LRMDA: variants seen among roughly 807,000 people sequenced by gnomAD.
LRMDA encodes the protein leucine rich melanocyte differentiation associated, also known as leucine-rich melanocyte differentiation-associated protein.
Under a neutral mutation model 29.8 loss-of-function variants are expected in LRMDA, and 18 were observed. The observed-to-expected ratio is 0.60, with a 90% CI of 0.42 to 0.90. The LOEUF is 0.90. Among genes scored for constraint, LRMDA ranks in the 40% least tolerant of loss-of-function variants. LRMDA has a pLI of 0.00. For missense variants in LRMDA, 273 were observed against 273.9 expected (o/e 1.00, Z 0.02); for synonymous variants, 125 against 109.4 (o/e 1.14, Z -0.89).
At chr10:75,476,788 C>T (rs1844798590) in intron 2 of LRMDA, among the ~76,000 whole-genome samples, 1 of 152,190 alleles carries the variant, frequency 6.6e-6, no homozygotes, top group South Asian at 2.1e-4. Context: ...ATACCACAGA[C>T]TTGGTGGCTT....
chr10:76,527,341 C>T (rs1843187577), intron 6 of LRMDA, among the ~76,000 whole-genome samples: 1 of 152,108 alleles, frequency 6.6e-6, no homozygotes, highest in African/African-American at 2.4e-5. Flanking sequence ...GAAGGTGGGT[C>T]AGAGACTCAC....
intron 2 of LRMDA, among the ~76,000 whole-genome samples, chr10:75,942,732 C>G (rs1319964546): frequency 6.6e-6 from 1 of 152,180 alleles, no homozygotes; most frequent in Admixed American, 6.5e-5. Flanking sequence ...TTGCTGCACA[C>G]TGGGTCTTTG....
intron 2 of LRMDA, among the ~76,000 whole-genome samples, chr10:75,461,919 C>A (rs1410543076): frequency 6.6e-6 from 1 of 152,248 alleles, no homozygotes; most frequent in East Asian, 1.9e-4. Context: ...GCAGAGCAAG[C>A]AACTCAAACC....
chr10:75,524,109 G>A (rs1845389567), intron 2 of LRMDA, among the ~76,000 whole-genome samples: 1 of 152,132 alleles, frequency 6.6e-6, no homozygotes, highest in African/African-American at 2.4e-5. Flanking sequence ...TAATACAAAT[G>A]TAAATTATTA....
intron 5 of LRMDA, among the ~76,000 whole-genome samples, chr10:76,202,007 G>A (rs1851440702): frequency 6.6e-6 from 1 of 152,072 alleles, no homozygotes; most frequent in Non-Finnish European, 1.5e-5. Context: ...CTCTCTTCAT[G>A]TGGCCTTTCC....
chr10:76,090,795 T>C (rs1849218336), intron 5 of LRMDA, among the ~76,000 whole-genome samples: 1 of 152,146 alleles, frequency 6.6e-6, no homozygotes, highest in Admixed American at 6.5e-5. Context: ...AATATGATTC[T>C]ACTTATATTC....
chr10:76,533,266 T>C (rs1843255226), intron 6 of LRMDA, among the ~76,000 whole-genome samples: 2 of 152,212 alleles, frequency 1.3e-5, no homozygotes, highest in African/African-American at 4.8e-5. Context: ...TTATTCTAAA[T>C]TTTACCTTGA....
chr10:76,210,381 G>GT (rs1851614432), intron 5 of LRMDA, among the ~76,000 whole-genome samples: 1 of 152,158 alleles, frequency 6.6e-6, no homozygotes. Flanking sequence ...TAATTCAGCA[G>GT]TTTACCCACC....
rs1564520657 is a variant in LRMDA at position 76,363,175 on chromosome 10, A to AGGG, written c.601+38690_601+38691insGGG. ...AAAGAAAGAAAGAAAGAAAGAAAGA[A>AGGG]AGGAGGGAGGGAGGGAGGGAGGGAG... On this transcript the variant is annotated intron_variant, in intron 6 of 6. Transcript: ENST00000611255. Among the ~76,000 whole-genome samples the AGGG allele has an allele frequency of 8.6e-3, 225 of 26,228 alleles. 10 individuals are homozygous for AGGG. The highest frequency in any genetic ancestry group is 0.014 in the Non-Finnish European group (166 of 12,184). 17.2% of individuals were successfully genotyped at this position (26,228 alleles called of 152,430 possible).
intron 6 of LRMDA, among the ~76,000 whole-genome samples, chr10:76,491,111 T>A (rs996320953): frequency 6.6e-6 from 1 of 151,970 alleles, no homozygotes; most frequent in African/African-American, 2.4e-5. Context: ...TGTTTCTATG[T>A]ATATTGTATT....
intron 2 of LRMDA, among the ~76,000 whole-genome samples, chr10:75,958,559 C>T (rs1846704858): frequency 7.0e-6 from 1 of 143,450 alleles, no homozygotes; most frequent in Non-Finnish European, 1.6e-5. Flanking sequence ...CCTAAGAGTT[C>T]AGGTTGAAAA....
chr10:76,434,254 A>T (rs980746982), intron 6 of LRMDA, among the ~76,000 whole-genome samples: 5 of 152,108 alleles, frequency 3.3e-5, no homozygotes, highest in Non-Finnish European at 7.4e-5. Context: ...TGCCCATGGA[A>T]AATGAGTTCT....
chr10:76,009,635 G>A (rs1188691533), intron 2 of LRMDA, among the ~76,000 whole-genome samples: 3 of 152,166 alleles, frequency 2.0e-5, no homozygotes, highest in Non-Finnish European at 4.4e-5. Flanking sequence ...TCAGAGCCTA[G>A]GGGGAACCTC....
At chr10:76,423,403 A>G (rs747206784) in intron 6 of LRMDA, among the ~76,000 whole-genome samples, 4 of 152,018 alleles carry the variant, frequency 2.6e-5, no homozygotes, top group African/African-American at 9.7e-5. Flanking sequence ...CAAAAATAGT[A>G]ATAAAATAAA....
At chr10:76,307,501 C>T (rs1241243413) in intron 5 of LRMDA, among the ~76,000 whole-genome samples, 5 of 152,124 alleles carry the variant, frequency 3.3e-5, no homozygotes, top group African/African-American at 9.7e-5. Flanking sequence ...CTGGGATAGA[C>T]CTAACTCTGT....
chr10:75,970,324 G>C (rs1004156417), intron 2 of LRMDA, among the ~76,000 whole-genome samples: 3 of 152,228 alleles, frequency 2.0e-5, no homozygotes, highest in Non-Finnish European at 4.4e-5. Context: ...ACATTCATGG[G>C]ATTTCAGACC....
At chr10:75,997,467 ATTT>A (rs11314151) in intron 2 of LRMDA, among the ~76,000 whole-genome samples, 1 of 141,872 alleles carries the variant, frequency 7.0e-6, no homozygotes, top group African/African-American at 2.6e-5. Flanking sequence ...ACATACATCT[ATTT>A]TTTTTTTTTT....
intron 6 of LRMDA, among the ~76,000 whole-genome samples, chr10:76,518,281 ATCT>A (rs1264668839): frequency 4.1e-5 from 1 of 24,222 alleles, no homozygotes; most frequent in Non-Finnish European, 9.1e-5. Context: ...TTTATCTATC[ATCT>A]ATCTATCTAT....
intron 2 of LRMDA, among the ~76,000 whole-genome samples, chr10:75,856,870 T>G (rs1487778256): frequency 4.6e-5 from 7 of 152,150 alleles, no homozygotes; most frequent in South Asian, 4.1e-4. Context: ...GGTATTCAAT[T>G]AGGAAAAGAG....
Sources: allele counts gnomAD v4.1 joint callset (sites outside exome capture counted in the v4.1 genomes callset), GRCh38; gene constraint gnomAD v4.1.1; transcripts MANE v1.5; gene names NCBI Gene and HGNC (gene_info 2026-07-23, HGNC 2026-07-21).